The following TENM2 variants were observed in gnomAD, a reference collection of about 807,000 sequenced individuals.
The protein encoded by TENM2 is teneurin-2.
Under a neutral mutation model 245.2 loss-of-function variants are expected in TENM2, and 52 were observed. The ratio of observed to expected loss-of-function variants is 0.21; its 90% CI spans 0.17 to 0.27. The LOEUF is 0.27. Ranked by LOEUF, TENM2 falls within the 10% of genes least tolerant of loss-of-function variation. The probability of loss-of-function intolerance (pLI) is 1.00; values close to 1 mark genes in which losing one functional copy is unlikely to be tolerated. For synonymous variants in TENM2, 1,363 were observed against 1,438.9 expected, an observed-to-expected ratio of 0.95 and a Z score of 1.19; for missense variants, 3,046 against 3,666.8, an observed-to-expected ratio of 0.83 and a Z score of 4.37.
chr5:167,432,111 G>A (rs1396382572), intron 2 of TENM2, among the ~76,000 whole-genome samples: 1 of 151,164 alleles, frequency 6.6e-6, no homozygotes, highest in Non-Finnish European at 1.5e-5. Context: ...GAAACAAACT[G>A]TTACCCCTGG....
At chr5:167,256,723 C>G in the TENM2 span, among the ~76,000 whole-genome samples, 1 of 151,676 alleles carries the variant, frequency 6.6e-6, no homozygotes, top group Non-Finnish European at 1.5e-5. Flanking sequence ...GTAGGGAAGC[C>G]AGAAAGAGGA....
intron 3 of TENM2, among the ~76,000 whole-genome samples, chr5:167,911,975 A>G: frequency 6.6e-6 from 1 of 152,236 alleles, no homozygotes; most frequent in East Asian, 1.9e-4. Flanking sequence ...AAATCAATTA[A>G]CATATCTCTT....
chr5:167,743,197 C>G (rs1761316076), intron 2 of TENM2, among the ~76,000 whole-genome samples: 1 of 152,120 alleles, frequency 6.6e-6, no homozygotes, highest in Non-Finnish European at 1.5e-5. Context: ...TAGTTGTTGA[C>G]TAATAGTGCC....
At chr5:167,794,077 A>C (rs540162127) in intron 2 of TENM2, among the ~76,000 whole-genome samples, 2 of 152,100 alleles carry the variant, frequency 1.3e-5, no homozygotes, top group South Asian at 4.2e-4. Flanking sequence ...AACAATTATT[A>C]TTCCTGAATA....
chr5:167,986,606 G>A (rs1783265056), intron 4 of TENM2, among the ~76,000 whole-genome samples: 1 of 152,166 alleles, frequency 6.6e-6, no homozygotes, highest in Non-Finnish European at 1.5e-5. Context: ...TTTCCTTTCG[G>A]AGGCACAAGT....
intron 13 of TENM2, among the ~76,000 whole-genome samples, chr5:168,180,289 C>T (rs1047405814): frequency 1.3e-5 from 2 of 152,184 alleles, no homozygotes; most frequent in East Asian, 1.9e-4. Flanking sequence ...GGAAATGCTG[C>T]GTACTCCATG....
chr5:168,046,654 C>G (rs1270361469), intron 5 of TENM2, among the ~76,000 whole-genome samples: 2 of 152,128 alleles, frequency 1.3e-5, no homozygotes, highest in East Asian at 3.9e-4. Context: ...CAGACGTGCT[C>G]AGTTCCTTAG....
intron 25 of TENM2, among the ~76,000 whole-genome samples, chr5:168,242,987 A>G (rs1332764991): frequency 6.6e-6 from 1 of 152,028 alleles, no homozygotes; most frequent in Non-Finnish European, 1.5e-5. Context: ...TATTACTATC[A>G]TCACCACCAT....
the TENM2 span, among the ~76,000 whole-genome samples, chr5:167,005,531 A>G: frequency 6.6e-6 from 1 of 151,998 alleles, no homozygotes; most frequent in Non-Finnish European, 1.5e-5. Context: ...TACTATACTG[A>G]ACTTTTAACT....
At chr5:167,494,123 A>C (rs1768624687) in intron 2 of TENM2, among the ~76,000 whole-genome samples, 1 of 152,142 alleles carries the variant, frequency 6.6e-6, no homozygotes, top group African/African-American at 2.4e-5. Context: ...GTACTTAAGG[A>C]GTATGTGACA....
chr5:168,050,809 G>A (rs1366226766), intron 6 of TENM2, among the ~76,000 whole-genome samples: 7 of 152,148 alleles, frequency 4.6e-5, no homozygotes, highest in East Asian at 1.9e-4. Context: ...TTGCCTTTCC[G>A]TTTTCCATTT....
chr5:168,226,990 C>G (rs920655840), intron 24 of TENM2, among the ~76,000 whole-genome samples: 4 of 152,204 alleles, frequency 2.6e-5, no homozygotes, highest in Non-Finnish European at 5.9e-5. Context: ...TTCAATGACT[C>G]TATTTCTGCT....
chr5:167,402,059 T>C (rs138208768), intron 2 of TENM2, among the ~76,000 whole-genome samples: 278 of 152,242 alleles, frequency 1.8e-3, no homozygotes, highest in African/African-American at 6.4e-3. Context: ...GAGAATATTG[T>C]CAGTACCATT....
intron 1 of TENM2, among the ~76,000 whole-genome samples, chr5:167,328,629 A>C (rs1353450804): frequency 6.6e-6 from 1 of 152,192 alleles, no homozygotes; most frequent in Non-Finnish European, 1.5e-5. Flanking sequence ...CCCAGCATTC[A>C]AATAAAATAA....
chr5:167,326,702 A>T (rs368967364), intron 1 of TENM2, among the ~76,000 whole-genome samples: 9 of 143,212 alleles, frequency 6.3e-5, no homozygotes, highest in South Asian at 4.4e-4. Context: ...ATAATAAATA[A>T]ATATATATAT....
chr5:168,140,767 T>C (rs1293671230), intron 12 of TENM2, among the ~76,000 whole-genome samples: 1 of 152,222 alleles, frequency 6.6e-6, no homozygotes, highest in East Asian at 1.9e-4. Context: ...GGGAACCCTG[T>C]GTCCCTTTCT....
chr5:167,453,433 G>A (rs1765727530), intron 2 of TENM2, among the ~76,000 whole-genome samples: 2 of 152,056 alleles, frequency 1.3e-5, no homozygotes, highest in African/African-American at 2.4e-5. Flanking sequence ...TCCCTTTCCC[G>A]GGATAGGAAG....
chr5:167,529,424 G>A (rs1771345796), intron 2 of TENM2, among the ~76,000 whole-genome samples: 1 of 152,184 alleles, frequency 6.6e-6, no homozygotes, highest in African/African-American at 2.4e-5. Context: ...CTTCAGCAAT[G>A]TTGCTATAAC....
At chr5:166,992,424 A>G in the TENM2 span, among the ~76,000 whole-genome samples, 1 of 152,210 alleles carries the variant, frequency 6.6e-6, no homozygotes, top group African/African-American at 2.4e-5. Flanking sequence ...AATATTAACT[A>G]TATGGAGCTA....
Sources: allele counts gnomAD v4.1 joint callset (sites outside exome capture counted in the v4.1 genomes callset), GRCh38; gene constraint gnomAD v4.1.1; transcripts MANE v1.5; gene names NCBI Gene and HGNC (gene_info 2026-07-23, HGNC 2026-07-21).